The following RALGAPA2 variants were observed in gnomAD, a reference collection of about 807,000 sequenced individuals.
RALGAPA2 encodes ral GTPase-activating protein subunit alpha-2.
RALGAPA2 carries 139 observed loss-of-function variants against 230.4 expected under a neutral mutation model. The observed-to-expected ratio is 0.60, with a 90% CI of 0.53 to 0.69. RALGAPA2 has a LOEUF of 0.69. RALGAPA2 is among the 30% of genes least tolerant of loss of function. The pLI is 0.00. For missense variants in RALGAPA2, 2,163 were observed against 2,276.0 expected, an observed-to-expected ratio of 0.95 and a Z score of 1.01; for synonymous variants, 847 against 837.8, an observed-to-expected ratio of 1.01 and a Z score of -0.19.
intron 37 of RALGAPA2, among the ~76,000 whole-genome samples, chr20:20,435,300 C>T (rs915023417): frequency 9.2e-5 from 14 of 152,276 alleles, no homozygotes; most frequent in South Asian, 6.2e-4. Flanking sequence ...AAGTCCATGA[C>T]GCAGAGGCAG....
chr20:20,463,528 A>G (rs1405519500), intron 37 of RALGAPA2, among the ~76,000 whole-genome samples: 1 of 151,918 alleles, frequency 6.6e-6, no homozygotes, highest in African/African-American at 2.4e-5. Context: ...GCTTTTTTAA[A>G]TTATGATTTT....
chr20:20,420,977 T>C (rs1233632431), intron 37 of RALGAPA2, among the ~76,000 whole-genome samples: 1 of 152,242 alleles, frequency 6.6e-6, no homozygotes, highest in Non-Finnish European at 1.5e-5. Context: ...GTTTTCATTT[T>C]TGAGCAATGT....
At chr20:20,564,523 G>A (rs1406303154) in intron 23 of RALGAPA2, among the ~76,000 whole-genome samples, 1 of 152,144 alleles carries the variant, frequency 6.6e-6, no homozygotes, top group African/African-American at 2.4e-5. Flanking sequence ...TACCATGGCA[G>A]GAAAAAATAT....
At chr20:20,570,387 T>G (rs758955166) in intron 23 of RALGAPA2, among the ~76,000 whole-genome samples, 21 of 152,172 alleles carry the variant, frequency 1.4e-4, no homozygotes, top group Non-Finnish European at 2.5e-4. Context: ...CCCTGAGGTA[T>G]CAAAAGGTCT....
intron 35 of RALGAPA2, among the ~76,000 whole-genome samples, chr20:20,501,404 G>A (rs2062373077): frequency 6.6e-6 from 1 of 152,204 alleles, no homozygotes; most frequent in South Asian, 2.1e-4. Flanking sequence ...ATTTTATGAA[G>A]ACAGCTTCTT....
intron 37 of RALGAPA2, among the ~76,000 whole-genome samples, chr20:20,464,525 T>C (rs966509269): frequency 6.6e-6 from 1 of 152,230 alleles, no homozygotes; most frequent in Non-Finnish European, 1.5e-5. Flanking sequence ...TGATGGTACA[T>C]TTCCCTCCCA....
chr20:20,643,602 G>A, intron 4 of RALGAPA2, 53 bp from the exon 5 acceptor site: 1 of 1,332,756 alleles, frequency 7.5e-7, no homozygotes, highest in Non-Finnish European at 1.0e-6. Flanking sequence ...GCATATCAAA[G>A]ATCTATTTTA....
intron 23 of RALGAPA2, among the ~76,000 whole-genome samples, chr20:20,560,892 T>C (rs2064237780): frequency 6.6e-6 from 1 of 152,212 alleles, no homozygotes. Flanking sequence ...TGCAATGAAA[T>C]GTACCATTGC....
intron 23 of RALGAPA2, among the ~76,000 whole-genome samples, chr20:20,570,298 C>A (rs2064586265): frequency 6.6e-6 from 1 of 152,104 alleles, no homozygotes; most frequent in African/African-American, 2.4e-5. Context: ...GAAATACATA[C>A]TGCAAACTAT....
Position 20,418,255 on chromosome 20 carries a change from G to A in RALGAPA2, c.5496-6107C>T, listed in dbSNP as rs572424323. ...CCATGACTGGCAATTAAGTTGCTCA[G>A]TACCATTAATGATCAGGGATTATGA... On this transcript the variant is annotated intron_variant, in intron 37 of 39. Coordinates refer to ENST00000202677, the MANE Select transcript of RALGAPA2 (RefSeq NM_020343.4). Among the ~76,000 whole-genome samples the A allele has an allele frequency of 5.3e-5, 8 of 152,326 alleles. No homozygotes were observed. The South Asian group carries it at 1.7e-3, about 32-fold the overall frequency.
intron 37 of RALGAPA2, among the ~76,000 whole-genome samples, chr20:20,413,697 C>T (rs552864089): frequency 6.6e-5 from 10 of 152,334 alleles, no homozygotes; most frequent in Middle Eastern, 3.4e-3. Flanking sequence ...AGAATTTCTC[C>T]GTAAGTTTGT....
At chr20:20,642,890 T>C (rs2067088614) in intron 5 of RALGAPA2, among the ~76,000 whole-genome samples, 1 of 152,210 alleles carries the variant, frequency 6.6e-6, no homozygotes, top group Admixed American at 6.5e-5. Flanking sequence ...TTACCTTTCA[T>C]AAAATATTCA....
chr20:20,436,179 A>C (rs1222352940), intron 37 of RALGAPA2, among the ~76,000 whole-genome samples: 1 of 152,104 alleles, frequency 6.6e-6, no homozygotes, highest in Non-Finnish European at 1.5e-5. Context: ...CCTCTCTCTC[A>C]GGCCACTTTG....
Position 20,491,636 on chromosome 20 carries a change from T to C in RALGAPA2, c.5367+3481A>G, listed in dbSNP as rs2062061570. Among the ~76,000 whole-genome samples, 5 of 152,294 alleles carry C rather than the reference T, an allele frequency of 3.3e-5. No homozygotes were observed. In the South Asian group the frequency reaches 1.0e-3, roughly 32 times the overall value. On this transcript the variant is annotated intron_variant, in intron 36 of 39. Transcript: ENST00000202677. ...AACTCTGGCATTTTAACAAACCCCT[T>C]GAATCACTCACATTCTGCTCTATAT...
chr20:20,555,308 C>T (rs1166801255), intron 23 of RALGAPA2, among the ~76,000 whole-genome samples: 5 of 152,206 alleles, frequency 3.3e-5, no homozygotes, highest in African/African-American at 9.6e-5. Context: ...CAGGACCACA[C>T]TGTTTGGATT....
intron 38 of RALGAPA2, among the ~76,000 whole-genome samples, chr20:20,397,656 C>A (rs867189479): frequency 3.9e-5 from 6 of 152,216 alleles, no homozygotes; most frequent in Non-Finnish European, 8.8e-5. Flanking sequence ...TTTCTGCTGA[C>A]CCCCTCTGCC....
At chr20:20,657,331 C>A (rs1236453228) in intron 3 of RALGAPA2, among the ~76,000 whole-genome samples, 1 of 152,140 alleles carries the variant, frequency 6.6e-6, no homozygotes, top group Non-Finnish European at 1.5e-5. Flanking sequence ...TGGCTTGGGG[C>A]CATGATGCAA....
At chr20:20,693,050 C>T (rs1304187009) in intron 1 of RALGAPA2, among the ~76,000 whole-genome samples, 3 of 152,222 alleles carry the variant, frequency 2.0e-5, no homozygotes, top group East Asian at 1.9e-4. Context: ...ATTAATCCTA[C>T]TTCATTTCTG....
At chr20:20,632,012 C>T (rs1047735315) in intron 9 of RALGAPA2, among the ~76,000 whole-genome samples, 13 of 151,814 alleles carry the variant, frequency 8.6e-5, no homozygotes, top group African/African-American at 3.1e-4. Flanking sequence ...TCTCCTGGCC[C>T]ATTCACACAC....
Sources: gnomAD v4.1 joint callset for allele counts (sites outside exome capture counted in the v4.1 genomes callset) on GRCh38, gnomAD v4.1.1 for gene constraint, MANE v1.5 for transcripts, NCBI Gene and HGNC (gene_info 2026-07-23, HGNC 2026-07-21) for gene names.